PDE4DIP: variants seen among roughly 807,000 people sequenced by gnomAD.
PDE4DIP encodes phosphodiesterase 4D interacting protein, also known as myomegalin.
Under a neutral mutation model 221.4 loss-of-function variants are expected in PDE4DIP, and 59 were observed. That is an observed-to-expected ratio of 0.27 (90% CI 0.22 to 0.33). The LOEUF is 0.33. PDE4DIP is among the 10% of genes least tolerant of loss of function. The pLI is 1.00. For missense variants in PDE4DIP, 1,036 were observed against 2,154.2 expected (o/e 0.48, Z 10.28); for synonymous variants, 404 against 815.9 (o/e 0.50, Z 8.60).
chr1:148,948,500 G>A, intron 5 of PDE4DIP, among the ~76,000 whole-genome samples: 1 of 148,856 alleles, frequency 6.7e-6, no homozygotes, highest in Non-Finnish European at 1.5e-5. Context: ...ATATGGATAG[G>A]CTTAAGTTTT....
exon 24 of PDE4DIP, chr1:149,001,694 G>A (rs201403178): frequency 8.2e-5 from 131 of 1,598,748 alleles, no homozygotes; most frequent in Middle Eastern, 1.7e-4. Flanking sequence ...GGAGAAGGGC[G>A]AGGTGATGGT....
chr1:148,990,354 C>G, intron 21 of PDE4DIP: 1 of 985,226 alleles, frequency 1.0e-6, no homozygotes, highest in Non-Finnish European at 1.2e-6. Context: ...ATGAGATGAG[C>G]ATTTATTTGT....
intron 16 of PDE4DIP, among the ~76,000 whole-genome samples, chr1:148,973,865 AT>A (rs2059671524): frequency 9.5e-6 from 1 of 105,724 alleles, no homozygotes; most frequent in African/African-American, 3.7e-5. Context: ...ATATAGATTT[AT>A]TTATTTATAT....
At chr1:149,015,449 C>A (rs76563925) in intron 32 of PDE4DIP, among the ~76,000 whole-genome samples, 1 of 151,834 alleles carries the variant, frequency 6.6e-6, no homozygotes. Flanking sequence ...TGTTCATAAT[C>A]CCTGAAAGAA....
In PDE4DIP at chr1:148,829,011, T is replaced by C. The variant is rs1213194531; in HGVS notation, c.233+20274T>C. ...AGGCATTGTCCCAGTTGTCTATTCC[T>C]GCATAAACACACACACACACACACA... On this transcript the variant is annotated intron_variant, in intron 1 of 45. Transcript: ENST00000524974. Among the ~76,000 whole-genome samples, 15 of 126,198 alleles carry C rather than the reference T, an allele frequency of 1.2e-4. No individual in the cohort carries two copies. In the East Asian group the frequency reaches 2.5e-3, roughly 21 times the overall value. The allele number at this position is 126,198 out of a possible 152,430, so 82.8% of individuals were successfully genotyped here.
intron 38 of PDE4DIP, among the ~76,000 whole-genome samples, chr1:149,025,212 G>T (rs1346866314): frequency 2.0e-5 from 3 of 151,940 alleles, no homozygotes; most frequent in African/African-American, 7.3e-5. Context: ...GGGATTTAGA[G>T]AAGTTATAGA....
At chr1:148,979,566 TAAAA>T (rs1157470504) in intron 19 of PDE4DIP, among the ~76,000 whole-genome samples, 167 bp from the exon 23 acceptor site, 1 of 151,986 alleles carries the variant, frequency 6.6e-6, no homozygotes, top group African/African-American at 2.4e-5. Context: ...GTTTTAAAGA[TAAAA>T]AAAAGATAAT....
chr1:149,019,698 C>T (rs1246050175), intron 35 of PDE4DIP: 1 of 153,138 alleles, frequency 6.5e-6, no homozygotes, highest in Non-Finnish European at 1.5e-5. Flanking sequence ...GAGCCTGCAG[C>T]TGTATTTTTA....
chr1:148,970,437 A>G (rs1274857280), intron 14 of PDE4DIP, among the ~76,000 whole-genome samples: 1 of 152,092 alleles, frequency 6.6e-6, no homozygotes, highest in Non-Finnish European at 1.5e-5. Flanking sequence ...ACTGCTGGTA[A>G]TAGAATAATG....
At chr1:149,001,863 A>T (rs2065737795) in exon 24 of PDE4DIP, 2 of 1,613,788 alleles carry the variant, frequency 1.2e-6, no homozygotes, top group South Asian at 2.2e-5. Flanking sequence ...CTTACTCCAG[A>T]GCTCCTTGTG....
chr1:148,927,536 A>G (rs1477420272), intron 1 of PDE4DIP, among the ~76,000 whole-genome samples: 21 of 152,018 alleles, frequency 1.4e-4, no homozygotes, highest in Admixed American at 2.6e-4. Context: ...GGTAGAAAAT[A>G]TGCTGCTATT....
chr1:148,920,145 A>ATTTT, intron 1 of PDE4DIP, among the ~76,000 whole-genome samples: 2 of 148,630 alleles, frequency 1.3e-5, no homozygotes, highest in African/African-American at 5.2e-5. Flanking sequence ...TTATTTATTT[A>ATTTT]TTTATTTGAG....
intron 1 of PDE4DIP, among the ~76,000 whole-genome samples, chr1:148,917,027 T>C (rs1227210906): frequency 1.4e-5 from 2 of 146,012 alleles, no homozygotes; most frequent in African/African-American, 5.1e-5. Context: ...CTTTGCTAAA[T>C]TAAGCCCAGC....
At chr1:148,940,385 A>G (rs1332711345) in intron 5 of PDE4DIP, among the ~76,000 whole-genome samples, 2 of 152,228 alleles carry the variant, frequency 1.3e-5, no homozygotes, top group African/African-American at 4.8e-5. Context: ...GCCTAATAAA[A>G]ATTTATTGTT....
intron 1 of PDE4DIP, among the ~76,000 whole-genome samples, chr1:148,902,717 C>CAT (rs57845050): frequency 0.085 from 5,629 of 66,278 alleles, 396 homozygotes; most frequent in South Asian, 0.099. Flanking sequence ...AGTATTCTAT[C>CAT]ATATATATAT....
exon 14 of PDE4DIP, chr1:148,968,962 G>A (rs782083513): frequency 6.2e-7 from 1 of 1,612,310 alleles, no homozygotes; most frequent in Non-Finnish European, 8.5e-7. Context: ...AAATAAACAA[G>A]TGCTGGAACA....
intron 16 of PDE4DIP, among the ~76,000 whole-genome samples, chr1:148,973,092 CT>C (rs2059507242): frequency 7.3e-6 from 1 of 136,432 alleles, no homozygotes; most frequent in African/African-American, 2.8e-5. Context: ...TCCCTGGTTC[CT>C]TTTGGTGGGT....
chr1:148,884,801 T>C (rs1166335560), upstream of PDE4DIP, among the ~76,000 whole-genome samples: 1 of 152,058 alleles, frequency 6.6e-6, no homozygotes, highest in Non-Finnish European at 1.5e-5. Context: ...ATTTGTCATA[T>C]ACGATTCCAT....
At chr1:148,973,500 A>T (rs1327014693) in intron 16 of PDE4DIP, among the ~76,000 whole-genome samples, 10 of 152,216 alleles carry the variant, frequency 6.6e-5, no homozygotes, top group Non-Finnish European at 1.3e-4. Flanking sequence ...GTATTTGTAT[A>T]TATGTGAAGA....
Sources: allele counts gnomAD v4.1 joint callset (sites outside exome capture counted in the v4.1 genomes callset), GRCh38; gene constraint gnomAD v4.1.1; transcripts MANE v1.5; gene names NCBI Gene and HGNC (gene_info 2026-07-23, HGNC 2026-07-21).